Variants in KIZ observed in about 807,000 individuals in gnomAD.
KIZ encodes kizuna centrosomal protein.
Under a neutral mutation model 79.6 loss-of-function variants are expected in KIZ, and 68 were observed. That is an observed-to-expected ratio of 0.85 (90% CI 0.70 to 1.05). The LOEUF is 1.05. Ranked by LOEUF, KIZ falls within the 50% of genes least tolerant of loss-of-function variation. The pLI is 0.00. For missense variants in KIZ, 797 were observed against 800.4 expected (o/e 1.00, Z 0.05); for synonymous variants, 280 against 281.8 (o/e 0.99, Z 0.06).
intron 6 of KIZ, among the ~76,000 whole-genome samples, chr20:21,165,074 A>G (rs904360254): frequency 6.6e-6 from 1 of 152,226 alleles, no homozygotes; most frequent in Admixed American, 6.5e-5. Flanking sequence ...CTGAGACCAT[A>G]GCATAGCATC....
intron 6 of KIZ, among the ~76,000 whole-genome samples, chr20:21,167,817 G>A (rs1275043346): frequency 6.6e-6 from 1 of 152,016 alleles, no homozygotes; most frequent in Non-Finnish European, 1.5e-5. Context: ...TGCCTTCAAA[G>A]TGCTGGGATT....
intron 9 of KIZ, among the ~76,000 whole-genome samples, chr20:21,226,966 C>T (rs1169301740): frequency 6.6e-6 from 1 of 152,058 alleles, no homozygotes; most frequent in Non-Finnish European, 1.5e-5. Flanking sequence ...GGGTGGTTAG[C>T]CAAAAGCTCC....
chr20:21,238,366 T>TGA (rs1555889306), intron 11 of KIZ, among the ~76,000 whole-genome samples: 3 of 150,094 alleles, frequency 2.0e-5, no homozygotes, highest in African/African-American at 7.4e-5. Flanking sequence ...TGTGTGTGTG[T>TGA]GAGAGGGTGT....
chr20:21,143,119 G>C (rs1345651298), intron 3 of KIZ, among the ~76,000 whole-genome samples: 9 of 152,216 alleles, frequency 5.9e-5, no homozygotes. Flanking sequence ...GAAAAAAATA[G>C]GAGAAGAGAA....
At chr20:21,238,366 T>TGTGTGTGTGA (rs776242830) in intron 11 of KIZ, among the ~76,000 whole-genome samples, 4 of 150,094 alleles carry the variant, frequency 2.7e-5, no homozygotes, top group Non-Finnish European at 4.4e-5. Context: ...TGTGTGTGTG[T>TGTGTGTGTGA]GAGAGGGTGT....
intron 11 of KIZ, among the ~76,000 whole-genome samples, chr20:21,236,213 C>T (rs974020713): frequency 1.3e-5 from 2 of 152,190 alleles, no homozygotes; most frequent in Non-Finnish European, 2.9e-5. Context: ...GTAGGAACCC[C>T]GATTAACCAT....
intron 10 of KIZ, among the ~76,000 whole-genome samples, chr20:21,229,936 T>C (rs2036783052): frequency 6.6e-6 from 1 of 152,208 alleles, no homozygotes; most frequent in South Asian, 2.1e-4. Context: ...GTTTTAATTG[T>C]AATTTTTTTA....
intron 5 of KIZ, 31 bp from the exon 6 acceptor site, chr20:21,162,819 A>G: frequency 6.4e-7 from 1 of 1,570,042 alleles, no homozygotes; most frequent in Non-Finnish European, 8.7e-7. Context: ...GAAGTCAGTG[A>G]TTGGTAATCA....
At chr20:21,241,099 T>C (rs2037200887) in intron 11 of KIZ, among the ~76,000 whole-genome samples, 1 of 152,264 alleles carries the variant, frequency 6.6e-6, no homozygotes, top group African/African-American at 2.4e-5. Context: ...CTTAACTCTT[T>C]GATTTCTTTT....
intron 1 of KIZ, among the ~76,000 whole-genome samples, chr20:21,130,722 A>G (rs532458109): frequency 6.6e-6 from 1 of 152,132 alleles, no homozygotes; most frequent in Non-Finnish European, 1.5e-5. Context: ...TGGACCCCAT[A>G]TTCCCATTAA....
intron 11 of KIZ, among the ~76,000 whole-genome samples, chr20:21,241,449 T>C (rs2037212784): frequency 6.6e-6 from 1 of 152,234 alleles, no homozygotes; most frequent in South Asian, 2.1e-4. Flanking sequence ...CTGAAACATG[T>C]TTCCTGTGAG....
At chr20:21,158,889 G>T (rs1189547749) in intron 4 of KIZ, 1 of 152,242 alleles carries the variant, frequency 6.6e-6, no homozygotes, top group East Asian at 1.9e-4. Flanking sequence ...GACTTCCTGG[G>T]CCCAAGCAGT....
intron 4 of KIZ, among the ~76,000 whole-genome samples, chr20:21,146,403 T>C (rs2032850403): frequency 6.6e-6 from 1 of 152,210 alleles, no homozygotes; most frequent in Admixed American, 6.5e-5. Flanking sequence ...GGCTGCAGCA[T>C]TCATTAAGAA....
intron 11 of KIZ, among the ~76,000 whole-genome samples, chr20:21,243,678 T>A (rs2037293182): frequency 6.6e-6 from 1 of 152,194 alleles, no homozygotes; most frequent in Non-Finnish European, 1.5e-5. Flanking sequence ...TTGGCCTCAG[T>A]CGAGACGGTC....
chr20:21,196,848 C>T (rs1548254), intron 6 of KIZ: 3 of 151,984 alleles, frequency 2.0e-5, no homozygotes, highest in Admixed American at 6.5e-5. Flanking sequence ...CAGAGTAGGG[C>T]TAAGCCTGAG....
At chr20:21,164,560 C>T (rs1290543005) in intron 6 of KIZ, among the ~76,000 whole-genome samples, 7 of 152,026 alleles carry the variant, frequency 4.6e-5, no homozygotes, top group African/African-American at 1.7e-4. Context: ...GCATGGTGGA[C>T]AAGTTAGTAC....
intron 6 of KIZ, chr20:21,166,561 C>G: frequency 3.5e-6 from 5 of 1,421,764 alleles, no homozygotes. Context: ...TGTTGATGGT[C>G]TTGAGAGCAT....
chr20:21,189,137 C>T (rs920289371), intron 6 of KIZ, among the ~76,000 whole-genome samples: 2 of 152,148 alleles, frequency 1.3e-5, no homozygotes, highest in Admixed American at 6.6e-5. Flanking sequence ...AGCCACCATC[C>T]TGCATGCTGT....
In KIZ at chr20:21,162,357, G is replaced by C. The variant is rs191064527; in HGVS notation, c.892G>C (p.Gly298Arg). ...TGATTTAAAGTGTGACAGTTCCAGC[G>C]GATCAGAGGGAGAAATACTGACACG... The part of the protein sequence containing the change: ...TTDLKCDSSS[G>R]SEGEILTREH... The change falls in exon 5 of 13, where the codon GGA (glycine) becomes CGA (arginine). Residue 298 changes from glycine (G) to arginine (R), a missense_variant. Coordinates refer to ENST00000619189, the MANE Select transcript of KIZ (RefSeq NM_018474.6). 1 of 1,613,768 alleles carries C rather than the reference G, an allele frequency of 6.2e-7. No individual in the cohort carries two copies. The highest frequency in any genetic ancestry group is 1.7e-5 in the Admixed American group (1 of 59,988).
Sources: allele counts gnomAD v4.1 joint callset (sites outside exome capture counted in the v4.1 genomes callset), GRCh38; gene constraint gnomAD v4.1.1; transcripts MANE v1.5; gene names NCBI Gene and HGNC (gene_info 2026-07-23, HGNC 2026-07-21).